The following EDAR variants were observed in gnomAD, a reference collection of about 807,000 sequenced individuals.
EDAR encodes the protein tumor necrosis factor receptor superfamily member EDAR.
Under a neutral mutation model 51.3 loss-of-function variants are expected in EDAR, and 38 were observed. That is an observed-to-expected ratio of 0.74 (90% CI 0.57 to 0.97). EDAR has a LOEUF of 0.97. Ranked by LOEUF, EDAR falls within the 50% of genes least tolerant of loss-of-function variation. The pLI, the probability that EDAR is intolerant of heterozygous loss-of-function variation, is 0.00. For missense variants in EDAR, 528 were observed against 595.0 expected (o/e 0.89, Z 1.17); for synonymous variants, 227 against 242.1 (o/e 0.94, Z 0.58).
chr2:108,921,474 C>T (rs1262027989), intron 5 of EDAR, among the ~76,000 whole-genome samples: 2 of 152,222 alleles, frequency 1.3e-5, no homozygotes, highest in African/African-American at 2.4e-5. Flanking sequence ...GGAAGAGGTG[C>T]TCTTGACCAC....
intron 5 of EDAR, among the ~76,000 whole-genome samples, chr2:108,913,428 C>T (rs1283054414): frequency 6.6e-6 from 1 of 152,078 alleles, no homozygotes; most frequent in Admixed American, 6.5e-5. Flanking sequence ...TAGGGTGATA[C>T]AATACTTGAC....
At position 108,896,898 on chromosome 2, in the gene EDAR, G is replaced by C. The variant is rs530945702; in HGVS notation, c.*9C>G. ...CTTGTCCTGGGAGGACAGCCCACAG[G>C]CATGCTTTTCAGGATGCAGCATGTG... On this transcript the variant is annotated 3_prime_UTR_variant, in exon 12 of 12. Transcript: ENST00000258443. 6.2e-7 allele frequency: 1 copy of C among 1,608,552 alleles called. No homozygotes were observed. The highest frequency in any genetic ancestry group is 1.1e-5 in the South Asian group (1 of 89,852).
chr2:108,947,441 G>T (rs749077483), intron 1 of EDAR, among the ~76,000 whole-genome samples: 1 of 152,186 alleles, frequency 6.6e-6, no homozygotes, highest in Admixed American at 6.6e-5. Context: ...GACTCTGTGT[G>T]GGGGCTCCAA....
Position 108,896,916 on chromosome 2 carries a change from A to T in EDAR, c.1338T>A (p.Ala446=), listed in dbSNP as rs192939679. ...GVVPPASQPH[A]AS ...CCCACAGGCATGCTTTTCAGGATGC[A>T]GCATGTGGCTGGGAGGCAGGTGGCA... Residue 446 remains alanine, a synonymous_variant, in exon 12 of 12, where the codon GCT becomes GCA. Transcript: ENST00000258443. 1.2e-6 allele frequency: 2 copies of T among 1,611,922 alleles called. No homozygotes were observed. The highest frequency in any genetic ancestry group is 1.7e-6 in the Non-Finnish European group (2 of 1,179,252).
intron 1 of EDAR, among the ~76,000 whole-genome samples, chr2:108,970,747 C>T (rs1260906244): frequency 6.6e-6 from 1 of 152,154 alleles, no homozygotes; most frequent in African/African-American, 2.4e-5. Flanking sequence ...AGCTATTTTA[C>T]TAGAATTTCC....
intron 4 of EDAR, among the ~76,000 whole-genome samples, chr2:108,925,058 C>T (rs564896781): frequency 8.5e-4 from 130 of 152,282 alleles, no homozygotes; most frequent in African/African-American, 2.3e-3. Flanking sequence ...TCTACCTCCA[C>T]GCATTCTCTC....
intron 1 of EDAR, among the ~76,000 whole-genome samples, chr2:108,960,229 C>T (rs1215701382): frequency 6.6e-6 from 1 of 152,158 alleles, no homozygotes; most frequent in Non-Finnish European, 1.5e-5. Flanking sequence ...TCTATTTGTC[C>T]ACAAGAGCCT....
At chr2:108,967,650 G>A (rs1383844052) in intron 1 of EDAR, among the ~76,000 whole-genome samples, 2 of 152,168 alleles carry the variant, frequency 1.3e-5, no homozygotes, top group African/African-American at 4.8e-5. Context: ...GAAAATGTAA[G>A]GTGATTTTGA....
chr2:108,939,575 T>C (rs1418302978), intron 1 of EDAR, among the ~76,000 whole-genome samples: 4 of 110,708 alleles, frequency 3.6e-5, no homozygotes, highest in Non-Finnish European at 6.6e-5. Context: ...GAGGGAACAG[T>C]GTGGGTGAGG....
rs562085631 is a variant in EDAR, at chr2:108,942,255, G to A, written c.-18-11223C>T. ...CAATGGCGGCTCAGAGAGGGTGAGC[G>A]ACTTGCTAAGGTCACACAGACAGAG... On this transcript the variant is annotated intron_variant, in intron 1 of 11. Transcript: ENST00000258443. Among the ~76,000 whole-genome samples, 15 of 152,334 alleles carry A rather than the reference G, an allele frequency of 9.8e-5. 1 individual carries two copies. The highest frequency in any genetic ancestry group is 3.1e-4 in the African/African-American group (13 of 41,580).
intron 4 of EDAR, 37 bp from the exon 5 acceptor site, chr2:108,923,490 A>T: frequency 6.3e-7 from 1 of 1,580,010 alleles, no homozygotes; most frequent in Non-Finnish European, 8.7e-7. Context: ...GAGACAGGTG[A>T]GCTGGACAGC....
At position 108,927,651 on chromosome 2, in the gene EDAR, A is replaced by G. The variant is rs528823490; in HGVS notation, c.356+1547T>C. 3.2e-4 allele frequency among the ~76,000 whole-genome samples: 49 copies of G among 152,046 alleles called. 1 individual carries two copies. In the South Asian group the frequency reaches 7.7e-3, roughly 24 times the overall value. Reference sequence around the variant, plus strand: ...AATTTGCCCCATGGGGAACCCTTCTACTACAGCGGCCCCCAGCACCCTGAG... The same window carrying G: ...AATTTGCCCCATGGGGAACCCTTCTGCTACAGCGGCCCCCAGCACCCTGAG... On this transcript the variant is annotated intron_variant, in intron 4 of 11. Coordinates refer to ENST00000258443, the MANE Select transcript of EDAR (RefSeq NM_022336.4).
intron 1 of EDAR, among the ~76,000 whole-genome samples, chr2:108,972,946 G>C (rs1698261717): frequency 6.6e-6 from 1 of 152,206 alleles, no homozygotes; most frequent in South Asian, 2.1e-4. Flanking sequence ...GAATTTCTTA[G>C]GAAGAGGTCT....
intron 1 of EDAR, among the ~76,000 whole-genome samples, chr2:108,939,451 A>C (rs1368711337): frequency 6.6e-6 from 1 of 152,230 alleles, no homozygotes; most frequent in Non-Finnish European, 1.5e-5. Flanking sequence ...GCGTATGTGA[A>C]AATGGGTGCT....
chr2:108,923,017 G>A (rs558047800), intron 5 of EDAR, among the ~76,000 whole-genome samples: 5 of 152,296 alleles, frequency 3.3e-5, no homozygotes, highest in African/African-American at 1.2e-4. Flanking sequence ...GTAGTACTTT[G>A]CCTCTGTGAT....
chr2:108,959,944 C>T (rs939595611), intron 1 of EDAR, among the ~76,000 whole-genome samples: 1 of 152,238 alleles, frequency 6.6e-6, no homozygotes, highest in African/African-American at 2.4e-5. Context: ...CCATGTTACA[C>T]AGTGCTATAC....
Position 108,930,213 on chromosome 2 carries a change from T to C in EDAR, c.81A>G (p.Glu27=), listed in dbSNP as rs769071067. 33 of 1,614,012 alleles carry C rather than the reference T, an allele frequency of 2.0e-5. No homozygotes were observed. The highest frequency in any genetic ancestry group is 2.8e-5 in the Non-Finnish European group (33 of 1,180,038). ...ACTCGTTCTCACCGCAGTTTGAGTA[T>C]TCCGCTCGGGCTGAGCACATCAGAG... ...VVSLMCSARA[E]YSNCGENEYY... Residue 27 remains glutamate (E), a synonymous_variant, in exon 3 of 12, where the codon GAA becomes GAG. Coordinates refer to ENST00000258443, the MANE Select transcript of EDAR (RefSeq NM_022336.4).
intron 11 of EDAR, among the ~76,000 whole-genome samples, chr2:108,902,612 A>G (rs1696721891): frequency 6.6e-6 from 1 of 152,232 alleles, no homozygotes; most frequent in Non-Finnish European, 1.5e-5. Context: ...AAGATCTCTC[A>G]TGAATATAAA....
chr2:108,919,794 C>T (rs1214446983), intron 5 of EDAR, among the ~76,000 whole-genome samples: 2 of 152,204 alleles, frequency 1.3e-5, no homozygotes, highest in African/African-American at 2.4e-5. Flanking sequence ...GCCCTCTCCC[C>T]GCACTACGAA....
Sources: allele counts gnomAD v4.1 joint callset (sites outside exome capture counted in the v4.1 genomes callset), GRCh38; gene constraint gnomAD v4.1.1; transcripts MANE v1.5; gene names NCBI Gene and HGNC (gene_info 2026-07-23, HGNC 2026-07-21).